The following RIOK2 variants were observed in gnomAD, a reference collection of about 807,000 sequenced individuals.
RIOK2 encodes RIO kinase 2.
In RIOK2, 46 loss-of-function variants were observed where a neutral mutation model predicts 62.4. The ratio of observed to expected loss-of-function variants is 0.74; its 90% CI spans 0.58 to 0.94. RIOK2 has a LOEUF of 0.94. RIOK2 is among the 40% of genes least tolerant of loss of function. The pLI is 0.00. For missense variants in RIOK2, 574 were observed against 658.0 expected (o/e 0.87, Z 1.40); for synonymous variants, 197 against 216.0 (o/e 0.91, Z 0.77).
intron 1 of RIOK2, among the ~76,000 whole-genome samples, chr5:97,179,583 C>T (rs1001426337): frequency 6.6e-6 from 1 of 151,676 alleles, no homozygotes; most frequent in Admixed American, 6.6e-5. Flanking sequence ...GAATGATAGA[C>T]TGGATAAAGA....
chr5:97,174,872 A>AG (rs1749120637), intron 4 of RIOK2, among the ~76,000 whole-genome samples: 3 of 151,982 alleles, frequency 2.0e-5, no homozygotes, highest in African/African-American at 7.2e-5. Flanking sequence ...CAGGGGTTTG[A>AG]GAGCAGCCTG....
intron 4 of RIOK2, chr5:97,176,239 C>T (rs1390655248): frequency 1.3e-5 from 2 of 152,184 alleles, no homozygotes; most frequent in Non-Finnish European, 2.9e-5. Context: ...TTACTATAGT[C>T]ACCCTACTCT....
intron 1 of RIOK2, among the ~76,000 whole-genome samples, chr5:97,182,208 T>C (rs1348785366): frequency 1.3e-5 from 2 of 152,226 alleles, no homozygotes; most frequent in African/African-American, 2.4e-5. Context: ...ACTCCCCTGA[T>C]TAAAAACATT....
chr5:97,176,588 G>A (rs1258258993), intron 4 of RIOK2, among the ~76,000 whole-genome samples: 4 of 152,070 alleles, frequency 2.6e-5, no homozygotes, highest in African/African-American at 7.2e-5. Context: ...CGCCCACCTC[G>A]GCTTCCCAAA....
rs1298201875 is a variant in RIOK2, at chr5:97,177,082, T to TA, written c.498+33dup. 3 of 1,579,770 alleles carry TA rather than the reference T, an allele frequency of 1.9e-6. No homozygotes were observed. The African/African-American group carries it at 4.1e-5, about 21-fold the overall frequency. ...CTTTGAGACACATGTATTATTTGGC[T>TA]AAAAAATGCATGACTACAAAATAAA... On this transcript the variant is annotated intron_variant, in intron 4 of 9. Coordinates refer to ENST00000283109, the MANE Select transcript of RIOK2 (RefSeq NM_018343.3).
Position 97,172,912 on chromosome 5 carries a change from T to A in RIOK2, c.587+263A>T, listed in dbSNP as rs577829604. On this transcript the variant is annotated intron_variant, in intron 5 of 9. Transcript: ENST00000283109. Reference sequence around the variant, plus strand: ...ATGTAAATTCCATGAGGGCAGGGACTTTGTTTTGTTCACTGCTGAGATTAA... The same window carrying A: ...ATGTAAATTCCATGAGGGCAGGGACATTGTTTTGTTCACTGCTGAGATTAA... 1.8e-4 allele frequency among the ~76,000 whole-genome samples: 28 copies of A among 152,324 alleles called. No homozygotes were observed. In the South Asian group the frequency reaches 3.9e-3, roughly 21 times the overall value.
intron 6 of RIOK2, among the ~76,000 whole-genome samples, chr5:97,169,080 G>A (rs959106194): frequency 6.6e-6 from 1 of 152,162 alleles, no homozygotes; most frequent in Admixed American, 6.5e-5. Context: ...CAGTTCCTAC[G>A]GTTAGGAAAG....
At chr5:97,175,297 T>C (rs1232874813) in intron 4 of RIOK2, among the ~76,000 whole-genome samples, 1 of 152,206 alleles carries the variant, frequency 6.6e-6, no homozygotes, top group Non-Finnish European at 1.5e-5. Context: ...TTTTTCAGTG[T>C]AGACCATTTT....
chr5:97,176,890 G>C, intron 4 of RIOK2: 1 of 454,196 alleles, frequency 2.2e-6, no homozygotes, highest in Non-Finnish European at 3.9e-6. Flanking sequence ...TACAGAATGT[G>C]TTGCCCTTAT....
chr5:97,179,442 C>T (rs1261887679), intron 1 of RIOK2, among the ~76,000 whole-genome samples: 1 of 152,046 alleles, frequency 6.6e-6, no homozygotes, highest in African/African-American at 2.4e-5. Flanking sequence ...GACATTTGGT[C>T]AATGCTAAAA....
Position 97,171,379 on chromosome 5 carries a change from A to G in RIOK2, c.606T>C (p.Val202=), listed in dbSNP as rs753101685. ...NGYPLCQIHH[V]EDPASVYDEA... ...CATCATATACTGATGCAGGATCTTC[A>G]ACATGGTGTATCTGACATCTGAAAG... is the stretch of plus-strand genomic sequence containing the variant. Residue 202 remains valine (V), a synonymous_variant, in exon 6 of 10, where the codon GTT becomes GTC. Coordinates refer to ENST00000283109, the MANE Select transcript of RIOK2 (RefSeq NM_018343.3). 2 of 1,544,220 alleles carry G rather than the reference A, an allele frequency of 1.3e-6. No individual in the cohort carries two copies. The highest frequency in any genetic ancestry group is 2.0e-5 in the Admixed American group (1 of 49,378).
chr5:97,167,491 A>C lies in RIOK2; in HGVS notation c.1373T>G (p.Leu458Ter), dbSNP rs945176130. ...CCTGAAAGGCCTGAATTCTCTATTT[A>C]ATGACGACAAGGCAATTAGATGAGG... The part of the protein sequence containing the change: ...ECPHLIALSS[L>*]NREFRPFRDE... The change falls in exon 8 of 10, where the codon TTA (leucine) becomes TGA (stop). Residue 458 changes from leucine (L) to a stop codon, truncating the protein, a stop_gained. Coordinates refer to ENST00000283109, the MANE Select transcript of RIOK2 (RefSeq NM_018343.3). LOFTEE classifies it high-confidence loss of function. The C allele has an allele frequency of 6.2e-6, 10 of 1,614,162 alleles. No individual in the cohort carries two copies. The highest frequency in any genetic ancestry group is 8.5e-6 in the Non-Finnish European group (10 of 1,180,010).
intron 4 of RIOK2, 173 bp downstream of exon 4, chr5:97,176,943 A>G: frequency 1.7e-6 from 1 of 587,230 alleles, no homozygotes; most frequent in South Asian, 2.1e-5. Context: ...GAAGGAAATC[A>G]CTTAAAAGAG....
intron 2 of RIOK2, 47 bp from the exon 3 acceptor site, chr5:97,177,895 C>T (rs750275297): frequency 2.6e-6 from 3 of 1,167,120 alleles, no homozygotes; most frequent in Non-Finnish European, 3.8e-6. Context: ...TTACATTGTA[C>T]AACCAAGTCA....
intron 2 of RIOK2, among the ~76,000 whole-genome samples, 171 bp from the exon 3 acceptor site, chr5:97,178,019 T>C (rs1749218417): frequency 6.6e-6 from 1 of 152,244 alleles, no homozygotes; most frequent in Admixed American, 6.5e-5. Flanking sequence ...TCTTCTCCAG[T>C]GTACTGATAA....
At chr5:97,182,998 C>A (rs1749465488) in intron 1 of RIOK2, 128 bp downstream of exon 1, 1 of 989,746 alleles carries the variant, frequency 1.0e-6, no homozygotes, top group Non-Finnish European at 1.6e-6. Context: ...GCTCTCTTCT[C>A]CATTCCCAGC....
chr5:97,164,393 C>T (rs1476185273), intron 9 of RIOK2, among the ~76,000 whole-genome samples: 2 of 151,804 alleles, frequency 1.3e-5, no homozygotes, highest in Non-Finnish European at 2.9e-5. Context: ...CCAAGCTACT[C>T]GGGAAGCTGA....
At chr5:97,174,866 G>A (rs11135491) in intron 4 of RIOK2, among the ~76,000 whole-genome samples, 76,093 of 151,676 alleles carry the variant, frequency 0.5, 19,185 homozygotes, top group East Asian at 0.57. Context: ...TGAGGCCAGG[G>A]GTTTGAGAGC....
chr5:97,164,471 AGCCTGGATGACCTCCG>A (rs1182253339), intron 9 of RIOK2, among the ~76,000 whole-genome samples: 1 of 151,926 alleles, frequency 6.6e-6, no homozygotes, highest in African/African-American at 2.4e-5. Context: ...ACTGCACTCT[AGCCTGGATGACCTCCG>A]GCCTGGATGA....
Sources: gnomAD v4.1 joint callset for allele counts (sites outside exome capture counted in the v4.1 genomes callset) on GRCh38, gnomAD v4.1.1 for gene constraint, MANE v1.5 for transcripts, NCBI Gene and HGNC (gene_info 2026-07-23, HGNC 2026-07-21) for gene names.